The following ASAP1 variants were observed in gnomAD, a reference collection of about 807,000 sequenced individuals.
ASAP1 encodes the protein ArfGAP with SH3 domain, ankyrin repeat and PH domain 1, also known as arf-GAP with SH3 domain, ANK repeat and PH domain-containing protein 1.
A neutral mutation model predicts 145.2 loss-of-function variants in ASAP1; 43 were observed. The ratio of observed to expected loss-of-function variants is 0.30; its 90% CI spans 0.23 to 0.38. The LOEUF is 0.38. ASAP1 is among the 10% of genes least tolerant of loss of function. ASAP1 has a pLI of 1.00. For synonymous variants in ASAP1, 546 were observed against 515.5 expected (o/e 1.06, Z -0.80); for missense variants, 1,018 against 1,355.3 (o/e 0.75, Z 3.91).
chr8:130,093,371 G>C (rs1428429674), intron 24 of ASAP1, among the ~76,000 whole-genome samples: 2 of 151,716 alleles, frequency 1.3e-5, no homozygotes, highest in Non-Finnish European at 2.9e-5. Context: ...TAAACGTTAA[G>C]AAAAAAAAGC....
intron 24 of ASAP1, among the ~76,000 whole-genome samples, chr8:130,100,154 C>T (rs1488030558): frequency 2.6e-5 from 4 of 152,172 alleles, no homozygotes. Flanking sequence ...GTTCCCCTTT[C>T]TCTGCATCCT....
At chr8:130,131,456 C>A (rs972243167) in intron 15 of ASAP1, among the ~76,000 whole-genome samples, 3 of 151,874 alleles carry the variant, frequency 2.0e-5, no homozygotes, top group African/African-American at 7.3e-5. Context: ...GTTCCCCTCT[C>A]ACCACCAGCA....
chr8:130,177,547 A>AT (rs991077274), intron 9 of ASAP1, among the ~76,000 whole-genome samples: 4 of 152,238 alleles, frequency 2.6e-5, no homozygotes, highest in South Asian at 4.1e-4. Context: ...CCAAAGTTTC[A>AT]TAACTGCCCA....
intron 3 of ASAP1, among the ~76,000 whole-genome samples, chr8:130,259,666 T>C (rs576983330): frequency 5.9e-5 from 9 of 152,338 alleles, no homozygotes; most frequent in Middle Eastern, 3.4e-3. Context: ...GCTGACTAAT[T>C]AGCTATGCCC....
At chr8:130,300,573 T>G (rs1822601436) in intron 3 of ASAP1, among the ~76,000 whole-genome samples, 1 of 151,950 alleles carries the variant, frequency 6.6e-6, no homozygotes, top group African/African-American at 2.4e-5. Context: ...TTTTTAAGAG[T>G]TTCTAGCATG....
intron 3 of ASAP1, among the ~76,000 whole-genome samples, chr8:130,276,934 C>T (rs1236146815): frequency 1.3e-5 from 2 of 152,072 alleles, no homozygotes; most frequent in Non-Finnish European, 2.9e-5. Context: ...CAATGGCAGA[C>T]GATGGAAGGA....
chr8:130,094,646 A>G (rs2135441989), intron 24 of ASAP1, among the ~76,000 whole-genome samples: 1 of 152,290 alleles, frequency 6.6e-6, no homozygotes, highest in South Asian at 2.1e-4. Flanking sequence ...TTAAAGTCAC[A>G]AGCCATGAGG....
intron 3 of ASAP1, among the ~76,000 whole-genome samples, chr8:130,252,960 T>C (rs1338338091): frequency 6.6e-6 from 1 of 152,146 alleles, no homozygotes; most frequent in East Asian, 1.9e-4. Context: ...TTGGAACAGT[T>C]TGGAAACCAC....
intron 3 of ASAP1, among the ~76,000 whole-genome samples, chr8:130,309,115 A>C (rs1310450668): frequency 6.6e-6 from 1 of 152,202 alleles, no homozygotes; most frequent in Non-Finnish European, 1.5e-5. Flanking sequence ...CCTATCCATC[A>C]AAGAGTGGGC....
At chr8:130,118,100 T>G (rs2097559337) in intron 20 of ASAP1, 61 bp downstream of exon 20, 1 of 1,406,162 alleles carries the variant, frequency 7.1e-7, no homozygotes, top group East Asian at 2.3e-5. Context: ...CTGATAGGAC[T>G]GGTTTGTGTT....
chr8:130,322,131 G>A (rs1050699745), intron 3 of ASAP1, among the ~76,000 whole-genome samples: 7 of 152,120 alleles, frequency 4.6e-5, no homozygotes, highest in African/African-American at 1.7e-4. Context: ...GAAGACAAGA[G>A]AAGCAGCAAG....
At chr8:130,215,299 A>G (rs1816828706) in intron 4 of ASAP1, among the ~76,000 whole-genome samples, 1 of 152,172 alleles carries the variant, frequency 6.6e-6, no homozygotes, top group African/African-American at 2.4e-5. Flanking sequence ...TTTTCAAGCA[A>G]TTAAGAAACT....
At chr8:130,104,928 GA>G (rs1181934106) in intron 24 of ASAP1, among the ~76,000 whole-genome samples, 1 of 152,102 alleles carries the variant, frequency 6.6e-6, no homozygotes, top group Non-Finnish European at 1.5e-5. Context: ...GTTGTCTGTA[GA>G]AACATAATTT....
At chr8:130,348,387 T>C (rs1031709590) in intron 3 of ASAP1, among the ~76,000 whole-genome samples, 2 of 152,180 alleles carry the variant, frequency 1.3e-5, no homozygotes, top group Non-Finnish European at 2.9e-5. Flanking sequence ...AGCTTTTGAG[T>C]GGCTAAATTA....
At chr8:130,334,345 T>C (rs753582842) in intron 3 of ASAP1, among the ~76,000 whole-genome samples, 71 of 152,314 alleles carry the variant, frequency 4.7e-4, no homozygotes, top group Non-Finnish European at 6.3e-4. Flanking sequence ...TATTACAAAA[T>C]GCCAGCTCTT....
rs138655104 is a variant in ASAP1, at chr8:130,069,212, A to G, written c.2701+7136T>C. Reference sequence around the variant, plus strand: ...TGGTTATTAAGAAATGGAATGAATAAAATGGAAATTGATACAGTTAAAACA... The same window carrying G: ...TGGTTATTAAGAAATGGAATGAATAGAATGGAAATTGATACAGTTAAAACA... On this transcript the variant is annotated intron_variant, in intron 27 of 29. Transcript: ENST00000518721. Among the ~76,000 whole-genome samples, 316 of 152,330 alleles carry G rather than the reference A, an allele frequency of 2.1e-3. 1 individual carries two copies. The highest frequency in any genetic ancestry group is 7.2e-3 in the African/African-American group (300 of 41,580).
chr8:130,262,125 G>C (rs981618652), intron 3 of ASAP1, among the ~76,000 whole-genome samples: 8 of 151,894 alleles, frequency 5.3e-5, no homozygotes, highest in African/African-American at 1.9e-4. Flanking sequence ...GGCTGGGCGC[G>C]GTGGCTCACA....
At chr8:130,363,825 G>A (rs1826824979) in intron 2 of ASAP1, among the ~76,000 whole-genome samples, 1 of 152,116 alleles carries the variant, frequency 6.6e-6, no homozygotes, top group Non-Finnish European at 1.5e-5. Flanking sequence ...CCCAGCCCAG[G>A]CAACCAAAGG....
chr8:130,112,846 C>T (rs2097548983), intron 23 of ASAP1, among the ~76,000 whole-genome samples: 1 of 152,174 alleles, frequency 6.6e-6, no homozygotes, highest in South Asian at 2.1e-4. Context: ...GACTTGTGTT[C>T]CAAACCAATG....
Sources: gnomAD v4.1 joint callset for allele counts (sites outside exome capture counted in the v4.1 genomes callset) on GRCh38, gnomAD v4.1.1 for gene constraint, MANE v1.5 for transcripts, NCBI Gene and HGNC (gene_info 2026-07-23, HGNC 2026-07-21) for gene names.